The following CACNA2D1 variants were observed in gnomAD, a reference collection of about 807,000 sequenced individuals.
CACNA2D1 encodes calcium voltage-gated channel auxiliary subunit alpha2delta 1.
A neutral mutation model predicts 171.5 loss-of-function variants in CACNA2D1; 53 were observed. That is an observed-to-expected ratio of 0.31 (90% CI 0.25 to 0.39). The LOEUF is 0.39. CACNA2D1 is among the 10% of genes least tolerant of loss of function. The pLI, the probability that CACNA2D1 is intolerant of heterozygous loss-of-function variation, is 1.00. For missense variants in CACNA2D1, 903 were observed against 1,299.8 expected (o/e 0.69, Z 4.69); for synonymous variants, 442 against 443.1 (o/e 1.00, Z 0.03).
intron 3 of CACNA2D1, among the ~76,000 whole-genome samples, chr7:82,238,801 C>T (rs183179291): frequency 2.6e-5 from 4 of 152,214 alleles, no homozygotes; most frequent in Admixed American, 6.5e-5. Flanking sequence ...TGAAAACTGT[C>T]ATCACATAAT....
intron 29 of CACNA2D1, 137 bp downstream of exon 29, chr7:81,968,750 A>T (rs1183483374): frequency 1.3e-5 from 8 of 614,768 alleles, no homozygotes; most frequent in Non-Finnish European, 2.0e-5. Flanking sequence ...ATTTTATTTA[A>T]TTTTTTTAAG....
chr7:82,289,719 A>T (rs950281578), intron 3 of CACNA2D1, among the ~76,000 whole-genome samples: 2 of 152,198 alleles, frequency 1.3e-5, no homozygotes, highest in African/African-American at 4.8e-5. Context: ...CTTTGAGAAA[A>T]CTCTAATATT....
At chr7:82,276,704 A>G (rs1171320809) in intron 3 of CACNA2D1, among the ~76,000 whole-genome samples, 1 of 151,794 alleles carries the variant, frequency 6.6e-6, no homozygotes, top group African/African-American at 2.4e-5. Context: ...AGTAGTGGGT[A>G]CTTTGATGGA....
intron 4 of CACNA2D1, among the ~76,000 whole-genome samples, chr7:82,147,986 T>C (rs1344285114): frequency 6.6e-6 from 1 of 152,122 alleles, no homozygotes; most frequent in African/African-American, 2.4e-5. Flanking sequence ...AGGAGAAACA[T>C]CCAAGACGCC....
At chr7:82,369,664 C>G (rs1454713473) in intron 1 of CACNA2D1, among the ~76,000 whole-genome samples, 1 of 151,862 alleles carries the variant, frequency 6.6e-6, no homozygotes, top group Non-Finnish European at 1.5e-5. Flanking sequence ...TCAAATCAGA[C>G]AGACATTTTC....
chr7:82,165,963 A>G (rs1795416196), intron 4 of CACNA2D1, among the ~76,000 whole-genome samples: 1 of 151,980 alleles, frequency 6.6e-6, no homozygotes, highest in South Asian at 2.1e-4. Context: ...CAGTTCTTTC[A>G]ATATCCAAGA....
At chr7:82,297,956 A>C (rs1385702898) in intron 3 of CACNA2D1, among the ~76,000 whole-genome samples, 1 of 152,188 alleles carries the variant, frequency 6.6e-6, no homozygotes, top group African/African-American at 2.4e-5. Context: ...AATCAAGTAG[A>C]GTAAAATTGA....
chr7:82,330,020 A>T (rs16887225), intron 3 of CACNA2D1, among the ~76,000 whole-genome samples: 3,280 of 152,134 alleles, frequency 0.022, 149 homozygotes, highest in African/African-American at 0.074. Flanking sequence ...CTAATACATA[A>T]GAGTCATCAG....
chr7:82,018,938 T>C (rs1035862789), intron 12 of CACNA2D1, among the ~76,000 whole-genome samples: 2 of 121,400 alleles, frequency 1.6e-5, no homozygotes, highest in Non-Finnish European at 3.2e-5. Context: ...TGAGCCTAGA[T>C]CACACCACTG....
chr7:82,430,122 A>C (rs1829547077), intron 1 of CACNA2D1, among the ~76,000 whole-genome samples: 1 of 149,132 alleles, frequency 6.7e-6, no homozygotes, highest in Non-Finnish European at 1.5e-5. Flanking sequence ...TGCTATAAAA[A>C]GGCCATGTTG....
chr7:81,987,643 T>G (rs1219203803), intron 21 of CACNA2D1, among the ~76,000 whole-genome samples: 2 of 152,184 alleles, frequency 1.3e-5, no homozygotes, highest in African/African-American at 4.8e-5. Flanking sequence ...TCAACTTAGA[T>G]GTAACATTTT....
At chr7:82,018,748 T>C (rs946462230) in intron 12 of CACNA2D1, among the ~76,000 whole-genome samples, 2 of 152,014 alleles carry the variant, frequency 1.3e-5, no homozygotes, top group Non-Finnish European at 2.9e-5. Context: ...TTTGAGAGGC[T>C]GAGGTGGGTG....
At chr7:82,172,384 T>C (rs902323997) in intron 3 of CACNA2D1, among the ~76,000 whole-genome samples, 2 of 151,954 alleles carry the variant, frequency 1.3e-5, no homozygotes, top group East Asian at 3.9e-4. Context: ...AACTCTTCTA[T>C]AGAAACACTT....
intron 4 of CACNA2D1, among the ~76,000 whole-genome samples, chr7:82,159,923 TACAC>T (rs1187842066): frequency 7.4e-6 from 1 of 134,698 alleles, no homozygotes; most frequent in Non-Finnish European, 1.5e-5. Flanking sequence ...AGAGAGAACA[TACAC>T]ACACTCTCAA....
chr7:82,179,306 G>A (rs553297109), intron 3 of CACNA2D1, among the ~76,000 whole-genome samples: 113 of 152,158 alleles, frequency 7.4e-4, no homozygotes, highest in Middle Eastern at 3.4e-3. Flanking sequence ...TCACTGTGGA[G>A]AAGGGAGAGA....
At chr7:82,255,300 A>G (rs537764124) in intron 3 of CACNA2D1, among the ~76,000 whole-genome samples, 2 of 152,170 alleles carry the variant, frequency 1.3e-5, no homozygotes, top group African/African-American at 4.8e-5. Flanking sequence ...GTTTTTCCCA[A>G]TGTGAGTGCA....
chr7:81,957,926 A>G (rs1171518077), intron 38 of CACNA2D1, among the ~76,000 whole-genome samples: 1 of 152,076 alleles, frequency 6.6e-6, no homozygotes, highest in Non-Finnish European at 1.5e-5. Flanking sequence ...TAATATTTCT[A>G]GTGTCAAAAA....
At chr7:82,222,085 A>T (rs1414495326) in intron 3 of CACNA2D1, among the ~76,000 whole-genome samples, 1 of 152,202 alleles carries the variant, frequency 6.6e-6, no homozygotes, top group African/African-American at 2.4e-5. Flanking sequence ...AAAAGAAAAA[A>T]ATAAGCAAAA....
intron 5 of CACNA2D1, among the ~76,000 whole-genome samples, chr7:82,128,163 C>A (rs2129065705): frequency 6.6e-6 from 1 of 151,792 alleles, no homozygotes; most frequent in Non-Finnish European, 1.5e-5. Context: ...CTCCTGGGCT[C>A]AAGTGTTCTG....
Sources: allele counts gnomAD v4.1 joint callset (sites outside exome capture counted in the v4.1 genomes callset), GRCh38; gene constraint gnomAD v4.1.1; transcripts MANE v1.5; gene names NCBI Gene and HGNC (gene_info 2026-07-23, HGNC 2026-07-21).